Variants in ELAPOR2 observed in about 807,000 individuals in gnomAD.
ELAPOR2 encodes the protein endosome-lysosome associated apoptosis and autophagy regulator family member 2, also known as endosome/lysosome-associated apoptosis and autophagy regulator family member 2.
A neutral mutation model predicts 120.7 loss-of-function variants in ELAPOR2; 89 were observed. The observed-to-expected ratio is 0.74, with a 90% CI of 0.62 to 0.88. The LOEUF is 0.88. ELAPOR2 is among the 40% of genes least tolerant of loss of function. ELAPOR2 has a pLI of 0.00. For missense variants in ELAPOR2, 1,134 were observed against 1,251.6 expected (o/e 0.91, Z 1.42); for synonymous variants, 444 against 444.9 (o/e 1.00, Z 0.03).
intron 1 of ELAPOR2, among the ~76,000 whole-genome samples, chr7:86,998,055 C>G (rs968332656): frequency 9.9e-5 from 15 of 152,002 alleles, no homozygotes; most frequent in African/African-American, 3.6e-4. Flanking sequence ...AACGGGAAGT[C>G]TAGAAAATGC....
chr7:87,056,928 T>C (rs1224120213), intron 1 of ELAPOR2, among the ~76,000 whole-genome samples: 1 of 152,242 alleles, frequency 6.6e-6, no homozygotes, highest in Non-Finnish European at 1.5e-5. Flanking sequence ...AAATGGCCTA[T>C]AGCTTTTTCT....
At chr7:86,880,587 G>A (rs1043845489) in intron 21 of ELAPOR2, 57 bp from the exon 22 acceptor site, 9 of 1,060,508 alleles carry the variant, frequency 8.5e-6, no homozygotes, top group Non-Finnish European at 1.3e-5. Flanking sequence ...AAGATTTTAG[G>A]ATCTTACATG....
At chr7:87,054,425 A>G (rs1451464420) in intron 1 of ELAPOR2, among the ~76,000 whole-genome samples, 1 of 152,228 alleles carries the variant, frequency 6.6e-6, no homozygotes, top group Non-Finnish European at 1.5e-5. Flanking sequence ...GATTCTAAGC[A>G]TAAGAACTGG....
chr7:86,901,522 T>A (rs561353846), intron 18 of ELAPOR2, among the ~76,000 whole-genome samples: 21 of 152,220 alleles, frequency 1.4e-4, no homozygotes, highest in Non-Finnish European at 2.9e-4. Context: ...TATTAACTTT[T>A]TGCACAGTTT....
chr7:86,948,820 G>A (rs1403015455), intron 2 of ELAPOR2, among the ~76,000 whole-genome samples: 1 of 152,056 alleles, frequency 6.6e-6, no homozygotes, highest in African/African-American at 2.4e-5. Context: ...TGGTATTAGT[G>A]ACTCCAACCT....
chr7:86,893,480 T>C (rs944489509), intron 19 of ELAPOR2, among the ~76,000 whole-genome samples: 2 of 151,856 alleles, frequency 1.3e-5, no homozygotes, highest in Non-Finnish European at 2.9e-5. Flanking sequence ...TTAAACATCT[T>C]ACTCATGTTT....
chr7:86,907,198 C>G (rs930856511), intron 18 of ELAPOR2, among the ~76,000 whole-genome samples: 1 of 151,988 alleles, frequency 6.6e-6, no homozygotes, highest in Non-Finnish European at 1.5e-5. Context: ...AACTGAAGAG[C>G]TAGAAATCGA....
chr7:86,880,516 A>G lies in ELAPOR2; in HGVS notation c.3045T>C (p.His1015=), dbSNP rs775613612. The change falls in exon 22 of 22, where the codon CAT becomes CAC. Residue 1015 remains histidine (H), a synonymous_variant. Transcript: ENST00000450689. ...KSLATKEKED[H]FESVQLKTSR... is the part of the protein sequence containing the mutation. Reference sequence around the variant, plus strand: ...AGGTTTTCAGTTGAACAGATTCAAAATGGTCTTCTTTTTCCTAAGAAAAAA... The same window carrying G: ...AGGTTTTCAGTTGAACAGATTCAAAGTGGTCTTCTTTTTCCTAAGAAAAAA... 5 of 1,605,080 alleles carry G rather than the reference A, an allele frequency of 3.1e-6. No individual in the cohort carries two copies. Among genetic ancestry groups the G allele is most frequent in the Non-Finnish European group, 4.3e-6 (5 of 1,172,430 alleles).
chr7:86,937,362 C>T (rs973549724), intron 8 of ELAPOR2, among the ~76,000 whole-genome samples: 1 of 152,068 alleles, frequency 6.6e-6, no homozygotes, highest in African/African-American at 2.4e-5. Flanking sequence ...TCTATATATG[C>T]TTTCCAAACT....
chr7:86,909,485 T>C (rs2116054087), intron 16 of ELAPOR2, among the ~76,000 whole-genome samples: 1 of 152,264 alleles, frequency 6.6e-6, no homozygotes, highest in South Asian at 2.1e-4. Context: ...GGTGTAGTTG[T>C]GTTTGTTTAC....
At chr7:86,982,810 C>G in intron 1 of ELAPOR2, among the ~76,000 whole-genome samples, 1 of 152,166 alleles carries the variant, frequency 6.6e-6, no homozygotes, top group East Asian at 1.9e-4. Flanking sequence ...TCGCCAGCAA[C>G]AGAATAAATC....
intron 1 of ELAPOR2, among the ~76,000 whole-genome samples, chr7:87,022,764 T>C (rs78366567): frequency 0.39 from 57,822 of 147,032 alleles, 12,828 homozygotes; most frequent in African/African-American, 0.61. Context: ...TTTTAATGAT[T>C]GCCATTCTAA....
chr7:86,877,319 T>C lies in ELAPOR2; in HGVS notation c.*3152A>G, dbSNP rs1799205957. 1.3e-5 allele frequency: 2 copies of C among 152,142 alleles called. No individual in the cohort carries two copies. Among genetic ancestry groups the C allele is most frequent in the Non-Finnish European group, 2.9e-5 (2 of 68,028 alleles). The allele number at this position is 152,142 out of a possible 1,614,324, so 9.4% of individuals were successfully genotyped here. On this transcript the variant is annotated 3_prime_UTR_variant, in exon 22 of 22. Transcript: ENST00000450689. ...AGCTTCCAACGAATGAGTCGGGTGT[T>C]GAGATTTCTAAAAGTTTACTCCTCT... is the stretch of plus-strand genomic sequence containing the variant.
chr7:86,998,703 A>C (rs1793207619), intron 1 of ELAPOR2, among the ~76,000 whole-genome samples: 1 of 152,226 alleles, frequency 6.6e-6, no homozygotes, highest in African/African-American at 2.4e-5. Context: ...GTTGAGACCT[A>C]TTCAACTAGT....
chr7:87,059,608 G>GTC lies in ELAPOR2; in HGVS notation c.-97_-96dup, dbSNP rs1234520055. On this transcript the variant is annotated 5_prime_UTR_variant, in exon 1 of 22. Coordinates refer to ENST00000450689, the MANE Select transcript of ELAPOR2 (RefSeq NM_001142749.3). ...CCCGGGCCGCGACTGCTGTGCGCTCGTCTCGCCGCTCCGTCACCCGCTGCC... is the reference window on the plus strand; with the variant it reads ...CCCGGGCCGCGACTGCTGTGCGCTCGTCTCTCGCCGCTCCGTCACCCGCTGCC... 9.1e-7 allele frequency: 1 copy of GTC among 1,103,756 alleles called. No individual in the cohort carries two copies. The highest frequency in any genetic ancestry group is 1.1e-6 in the Non-Finnish European group (1 of 905,620). 68.4% of individuals were successfully genotyped at this position (1,103,756 alleles called of 1,614,324 possible). A position where few individuals can be genotyped will look rare whatever the true frequency, so the allele number is the denominator to read the frequency against.
chr7:86,908,705 C>A (rs1222414857), intron 16 of ELAPOR2, among the ~76,000 whole-genome samples, 162 bp from the exon 17 acceptor site: 1 of 152,016 alleles, frequency 6.6e-6, no homozygotes, highest in Non-Finnish European at 1.5e-5. Context: ...AAGAAATTTT[C>A]CAAAGTCTCC....
chr7:87,051,702 C>T (rs1795106678), intron 1 of ELAPOR2, among the ~76,000 whole-genome samples: 1 of 152,174 alleles, frequency 6.6e-6, no homozygotes, highest in South Asian at 2.1e-4. Context: ...TGTACTATAA[C>T]AAGACACAAC....
At chr7:86,942,193 G>A (rs887700298) in intron 4 of ELAPOR2, 89 bp from the exon 5 acceptor site, 19 of 690,144 alleles carry the variant, frequency 2.8e-5, no homozygotes, top group African/African-American at 9.0e-5. Flanking sequence ...CAAGAACCTC[G>A]TTCAATACCT....
intron 2 of ELAPOR2, among the ~76,000 whole-genome samples, chr7:86,963,517 G>A (rs1045844984): frequency 4.6e-5 from 7 of 152,084 alleles, no homozygotes; most frequent in East Asian, 1.9e-4. Flanking sequence ...AAAAGCCAGC[G>A]CTAGCCAAGA....
Sources: gnomAD v4.1 joint callset for allele counts (sites outside exome capture counted in the v4.1 genomes callset) on GRCh38, gnomAD v4.1.1 for gene constraint, MANE v1.5 for transcripts, NCBI Gene and HGNC (gene_info 2026-07-23, HGNC 2026-07-21) for gene names.